Variants in ATP2A2 observed in about 807,000 individuals in gnomAD.
The protein encoded by ATP2A2 is ATPase sarcoplasmic/endoplasmic reticulum Ca2+ transporting 2, also known as sarcoplasmic/endoplasmic reticulum calcium ATPase 2.
A neutral mutation model predicts 109.3 loss-of-function variants in ATP2A2; 14 were observed. That is an observed-to-expected ratio of 0.13 (90% CI 0.08 to 0.20). The LOEUF (loss-of-function observed/expected upper bound fraction) is 0.20, where lower values mean the gene tolerates loss of function less well. Ranked by LOEUF, ATP2A2 falls within the 10% of genes least tolerant of loss-of-function variation. The pLI is 1.00. For synonymous variants in ATP2A2, 506 were observed against 490.9 expected (o/e 1.03, Z -0.41); for missense variants, 657 against 1,321.6 (o/e 0.50, Z 7.80).
At chr12:110,328,136 T>C in intron 8 of ATP2A2, 119 bp downstream of exon 8, 1 of 977,860 alleles carries the variant, frequency 1.0e-6, no homozygotes, top group Non-Finnish European at 1.5e-6. Context: ...GCTGTATGTA[T>C]AGCCTGAGCT....
intron 5 of ATP2A2, among the ~76,000 whole-genome samples, chr12:110,311,656 G>C (rs941319307): frequency 3.6e-5 from 5 of 137,820 alleles, no homozygotes; most frequent in African/African-American, 1.4e-4. Flanking sequence ...ATAGCGTCCA[G>C]CTAATATTTT....
chr12:110,305,872 T>C (rs60547733), intron 5 of ATP2A2, among the ~76,000 whole-genome samples: 1 of 143,452 alleles, frequency 7.0e-6, no homozygotes, highest in Admixed American at 7.1e-5. Context: ...GGGATGTCTG[T>C]TTTTTTTTTG....
At chr12:110,309,535 T>C (rs1346907716) in intron 5 of ATP2A2, among the ~76,000 whole-genome samples, 5 of 152,172 alleles carry the variant, frequency 3.3e-5, no homozygotes, top group Non-Finnish European at 5.9e-5. Flanking sequence ...TAGCAAATGC[T>C]AATGTGAGTC....
chr12:110,337,414 G>A (rs1053841159), intron 11 of ATP2A2, among the ~76,000 whole-genome samples: 2 of 152,192 alleles, frequency 1.3e-5, no homozygotes, highest in African/African-American at 4.8e-5. Flanking sequence ...GAATCATTGC[G>A]TGTTCCTTTA....
chr12:110,332,271 C>A, intron 8 of ATP2A2: 1 of 366,284 alleles, frequency 2.7e-6, no homozygotes, highest in Non-Finnish European at 5.2e-6. Context: ...TTTTGCTGAC[C>A]GGGAGTCCTC....
Position 110,339,435 on chromosome 12 carries a change from T to C in ATP2A2, c.1542+32T>C. The C allele has an allele frequency of 6.2e-7, 1 of 1,614,204 alleles. No homozygotes were observed. The highest frequency in any genetic ancestry group is 8.5e-7 in the Non-Finnish European group (1 of 1,180,044). The stretch of plus-strand genomic sequence containing the variant: ...ATGGCAGATTGCAATTGAGATGTTC[T>C]TGCCAGGGTTAAGATCCCGGTGAAC... On this transcript the variant is annotated intron_variant, in intron 12 of 19. Coordinates refer to ENST00000539276, the MANE Select transcript of ATP2A2 (RefSeq NM_170665.4). The surrounding 1 kb of genome is among the most constrained non-coding windows in gnomAD (Gnocchi z 4.4).
At chr12:110,324,300 T>C (rs926113498) in intron 6 of ATP2A2, among the ~76,000 whole-genome samples, 3 of 152,320 alleles carry the variant, frequency 2.0e-5, no homozygotes, top group Middle Eastern at 3.4e-3. Context: ...AGCTTACTTA[T>C]TAAAATTCTC....
At position 110,339,491 on chromosome 12, in the gene ATP2A2, TA is replaced by T. The variant is rs773170117; in HGVS notation, c.1543-10del. On this transcript the variant is annotated splice_polypyrimidine_tract_variant and intron_variant, in intron 12 of 19. Transcript: ENST00000539276. This position sits in a 1 kb window ranked among gnomAD's most constrained non-coding sequence, Gnocchi z 4.4. ...AAACAAAATTGTTTATCTAAATCTG[TA>T]ACATTTCCAGGGTGCTCCTGAAGGT... 6.2e-7 allele frequency: 1 copy of T among 1,613,888 alleles called. No homozygotes were observed. Among genetic ancestry groups the T allele is most frequent in the East Asian group, 2.2e-5 (1 of 44,888 alleles).
intron 5 of ATP2A2, among the ~76,000 whole-genome samples, chr12:110,320,630 A>G (rs1056407817): frequency 3.9e-5 from 6 of 152,212 alleles, no homozygotes; most frequent in Admixed American, 6.5e-5. Flanking sequence ...ACTCTCTTCA[A>G]TGTAGTTAGA....
In ATP2A2 at chr12:110,346,125, G is replaced by T. The variant is rs541783415; in HGVS notation, c.2859+7G>T. ...CTATGTCGAACCCTTGCCAGTAAGT[G>T]GTTGGGTGGGGCTTGGGACCAGCCA... On this transcript the variant is annotated splice_region_variant and intron_variant, in intron 19 of 19. Coordinates refer to ENST00000539276, the MANE Select transcript of ATP2A2 (RefSeq NM_170665.4). The T allele has an allele frequency of 1.2e-6, 2 of 1,614,194 alleles. No individual in the cohort carries two copies. The highest frequency in any genetic ancestry group is 2.2e-5 in the South Asian group (2 of 91,082).
chr12:110,337,265 A>G (rs1192230411), intron 11 of ATP2A2, among the ~76,000 whole-genome samples: 1 of 152,186 alleles, frequency 6.6e-6, no homozygotes, highest in Non-Finnish European at 1.5e-5. Context: ...TTAGAAGCAG[A>G]GAGAGCAGGT....
At position 110,281,292 on chromosome 12, in the gene ATP2A2, C is replaced by G. The variant is rs896431150; in HGVS notation, c.-498C>G. The G allele has an allele frequency of 3.3e-5, 5 of 151,624 alleles. No individual in the cohort carries two copies. Among genetic ancestry groups the G allele is most frequent in the African/African-American group, 1.2e-4 (5 of 41,380 alleles). 9.4% of individuals were successfully genotyped at this position (151,624 alleles called of 1,614,324 possible). ...GCCGTCCCCGACGCCACCTCCTTTT[C>G]CTTCGCCGCAGTTTCCTCCGCCGCT... On this transcript the variant is annotated 5_prime_UTR_variant, in exon 1 of 20. Coordinates refer to ENST00000539276, the MANE Select transcript of ATP2A2 (RefSeq NM_170665.4).
chr12:110,344,046 G>A (rs986482305), intron 16 of ATP2A2, among the ~76,000 whole-genome samples: 131 of 152,258 alleles, frequency 8.6e-4, no homozygotes, highest in Middle Eastern at 6.8e-3. Context: ...TCCCTCTGGC[G>A]TTGAGGTGCT....
intron 5 of ATP2A2, among the ~76,000 whole-genome samples, chr12:110,311,230 GGGTT>G (rs1302018694): frequency 6.6e-6 from 1 of 152,140 alleles, no homozygotes; most frequent in East Asian, 1.9e-4. Context: ...CTATCTTTGT[GGGTT>G]GGTTGGTTGG....
At chr12:110,329,783 TAAC>T (rs1401573627) in intron 8 of ATP2A2, 5 of 152,212 alleles carry the variant, frequency 3.3e-5, no homozygotes, top group African/African-American at 1.2e-4. Context: ...GTTAGAAAAG[TAAC>T]AACTGAATAA....
intron 5 of ATP2A2, among the ~76,000 whole-genome samples, chr12:110,305,407 T>C (rs1875176993): frequency 6.6e-6 from 1 of 152,138 alleles, no homozygotes; most frequent in Non-Finnish European, 1.5e-5. Context: ...CTTGCCTCTT[T>C]AAAAACAGCA....
chr12:110,333,888 A>G (rs1387410885), intron 10 of ATP2A2, 124 bp from the exon 11 acceptor site: 2 of 1,271,856 alleles, frequency 1.6e-6, no homozygotes, highest in African/African-American at 3.0e-5. Flanking sequence ...AGAGGAGGAT[A>G]AAAATGGCCT....
chr12:110,305,668 G>A (rs1477978132), intron 5 of ATP2A2, among the ~76,000 whole-genome samples: 2 of 152,124 alleles, frequency 1.3e-5, no homozygotes, highest in Non-Finnish European at 2.9e-5. Context: ...TTGAAATTGG[G>A]AACTTGGGAG....
chr12:110,322,648 A>G (rs938614411), intron 5 of ATP2A2, among the ~76,000 whole-genome samples: 14 of 152,174 alleles, frequency 9.2e-5, no homozygotes, highest in Admixed American at 2.6e-4. Flanking sequence ...TGCCTTGTGT[A>G]TATGTAGTAA....
Sources: gnomAD v4.1 joint callset for allele counts (sites outside exome capture counted in the v4.1 genomes callset) on GRCh38, gnomAD v4.1.1 for gene constraint, Gnocchi (gnomAD v3.1) non-coding constraint, MANE v1.5 for transcripts, NCBI Gene and HGNC (gene_info 2026-07-23, HGNC 2026-07-21) for gene names.